Variants in FBXL17 observed in about 807,000 individuals in gnomAD.
FBXL17 encodes the protein F-box and leucine rich repeat protein 17.
In FBXL17, 22 loss-of-function variants were observed where a neutral mutation model predicts 66.2. That is an observed-to-expected ratio of 0.33 (90% CI 0.24 to 0.47). The LOEUF is 0.47. Among genes scored for constraint, FBXL17 ranks in the 20% least tolerant of loss-of-function variants. The pLI is 1.00. For missense variants in FBXL17, 878 were observed against 948.2 expected, an observed-to-expected ratio of 0.93 and a Z score of 0.97; for synonymous variants, 474 against 400.5, an observed-to-expected ratio of 1.18 and a Z score of -2.19.
intron 6 of FBXL17, among the ~76,000 whole-genome samples, chr5:108,091,487 A>C (rs1371849921): frequency 6.6e-6 from 1 of 152,116 alleles, no homozygotes; most frequent in Admixed American, 6.5e-5. Context: ...TTTTCCTTTA[A>C]TACACCACCC....
At chr5:108,117,659 G>T (rs143267366) in intron 6 of FBXL17, among the ~76,000 whole-genome samples, 1,873 of 152,148 alleles carry the variant, frequency 0.012, 18 homozygotes, top group African/African-American at 0.013. Context: ...TTCAAAAAAC[G>T]TTGAGGTATT....
intron 6 of FBXL17, among the ~76,000 whole-genome samples, chr5:108,037,683 C>T (rs1422577777): frequency 6.6e-6 from 1 of 152,162 alleles, no homozygotes; most frequent in African/African-American, 2.4e-5. Flanking sequence ...TAGTGTCTCA[C>T]ATTCCTTATT....
chr5:108,082,229 A>G (rs1053114266), intron 6 of FBXL17, among the ~76,000 whole-genome samples: 1 of 152,066 alleles, frequency 6.6e-6, no homozygotes, highest in Non-Finnish European at 1.5e-5. Flanking sequence ...AAAAAAAAAA[A>G]ATGCTAATGC....
intron 4 of FBXL17, among the ~76,000 whole-genome samples, chr5:108,233,329 T>C (rs1160948461): frequency 6.6e-6 from 1 of 152,220 alleles, no homozygotes. Context: ...ATACCAATTT[T>C]GCCAGCACCA....
chr5:108,291,243 A>T (rs1253070140), intron 4 of FBXL17, among the ~76,000 whole-genome samples: 1 of 152,214 alleles, frequency 6.6e-6, no homozygotes, highest in Non-Finnish European at 1.5e-5. Flanking sequence ...GCTCACACCA[A>T]CAGAGAGAAA....
chr5:108,349,002 C>T (rs1009215679), intron 3 of FBXL17, among the ~76,000 whole-genome samples: 1 of 151,998 alleles, frequency 6.6e-6, no homozygotes, highest in African/African-American at 2.4e-5. Flanking sequence ...GCTAGGGTCT[C>T]GCTATGTTAC....
chr5:108,158,142 G>A (rs1752066081), intron 6 of FBXL17, among the ~76,000 whole-genome samples: 1 of 152,062 alleles, frequency 6.6e-6, no homozygotes, highest in South Asian at 2.1e-4. Flanking sequence ...AAATTCAAGA[G>A]ACTCATCTAT....
chr5:108,021,869 G>A (rs1158671827), intron 6 of FBXL17, among the ~76,000 whole-genome samples: 6 of 151,452 alleles, frequency 4.0e-5, no homozygotes, highest in African/African-American at 1.5e-4. Context: ...TAAGTAAAAG[G>A]GTAAAAGCAA....
chr5:107,879,558 C>T (rs1197698035), intron 8 of FBXL17: 5 of 985,172 alleles, frequency 5.1e-6, no homozygotes, highest in African/African-American at 3.5e-5. Context: ...GCAAAGGTCT[C>T]GTATAAGTTG....
intron 7 of FBXL17, among the ~76,000 whole-genome samples, chr5:107,996,336 A>T (rs1195630211): frequency 6.6e-6 from 1 of 152,018 alleles, no homozygotes; most frequent in Non-Finnish European, 1.5e-5. Flanking sequence ...TTTGTTGGAG[A>T]CCGAGTCTCC....
intron 6 of FBXL17, among the ~76,000 whole-genome samples, chr5:108,125,738 AGTTTTGT>A (rs1302470581): frequency 7.2e-5 from 11 of 152,082 alleles, no homozygotes; most frequent in Non-Finnish European, 1.5e-4. Flanking sequence ...ACTATGTTAT[AGTTTTGT>A]GTTGGAGGAG....
At chr5:107,890,853 T>C (rs1398665861) in intron 7 of FBXL17, among the ~76,000 whole-genome samples, 1 of 152,048 alleles carries the variant, frequency 6.6e-6, no homozygotes, top group Non-Finnish European at 1.5e-5. Flanking sequence ...TGGGGGATAA[T>C]GGCAGAGTGA....
intron 7 of FBXL17, among the ~76,000 whole-genome samples, chr5:107,980,664 A>ATTTT (rs57472813): frequency 5.2e-4 from 32 of 61,968 alleles, no homozygotes; most frequent in East Asian, 3.2e-3. Context: ...ATATATATAT[A>ATTTT]TTTTTTTTTT....
intron 8 of FBXL17, chr5:107,878,773 T>C: frequency 3.0e-6 from 3 of 985,502 alleles, no homozygotes; most frequent in Non-Finnish European, 3.6e-6. Context: ...GGTTTGGAAC[T>C]GTCTTCCATC....
At chr5:108,185,600 T>G (rs1003977505) in intron 6 of FBXL17, among the ~76,000 whole-genome samples, 19 of 152,218 alleles carry the variant, frequency 1.2e-4, no homozygotes, top group Non-Finnish European at 1.8e-4. Flanking sequence ...GGTGTATGCC[T>G]GTAGTCCCAG....
chr5:108,308,603 C>T (rs1391712892), intron 4 of FBXL17, among the ~76,000 whole-genome samples: 1 of 151,972 alleles, frequency 6.6e-6, no homozygotes, highest in African/African-American at 2.4e-5. Flanking sequence ...TTTGAATTAG[C>T]GATTATTCCA....
At chr5:107,951,303 T>A (rs190853203) in intron 7 of FBXL17, among the ~76,000 whole-genome samples, 92 of 152,370 alleles carry the variant, frequency 6.0e-4, no homozygotes, top group African/African-American at 2.1e-3. Flanking sequence ...ATCAGAAGAC[T>A]TGAAAAGTAC....
At chr5:108,132,513 A>G (rs1231420949) in intron 6 of FBXL17, among the ~76,000 whole-genome samples, 1 of 152,194 alleles carries the variant, frequency 6.6e-6, no homozygotes, top group Non-Finnish European at 1.5e-5. Flanking sequence ...GGGAATAAAT[A>G]ATATTTTGCT....
intron 6 of FBXL17, among the ~76,000 whole-genome samples, chr5:108,112,663 G>GA (rs1750084973): frequency 6.6e-6 from 1 of 152,074 alleles, no homozygotes; most frequent in African/African-American, 2.4e-5. Context: ...TAGAATTAGT[G>GA]AACAAGGCAT....
Sources: gnomAD v4.1 joint callset for allele counts (sites outside exome capture counted in the v4.1 genomes callset) on GRCh38, gnomAD v4.1.1 for gene constraint, MANE v1.5 for transcripts, NCBI Gene and HGNC (gene_info 2026-07-23, HGNC 2026-07-21) for gene names.